The following SNAP91 variants were observed in gnomAD, a reference collection of about 807,000 sequenced individuals.
SNAP91 encodes clathrin coat assembly protein AP180.
In SNAP91, 27 loss-of-function variants were observed where a neutral mutation model predicts 100.3. The observed-to-expected ratio is 0.27, with a 90% CI of 0.20 to 0.37. The LOEUF is 0.37. SNAP91 is among the 10% of genes least tolerant of loss of function. The pLI is 1.00. For missense variants in SNAP91, 986 were observed against 1,123.7 expected (o/e 0.88, Z 1.75); for synonymous variants, 404 against 398.6 (o/e 1.01, Z -0.16).
At chr6:83,707,738 C>T in intron 2 of SNAP91, 60 bp downstream of exon 2, 3 of 1,599,354 alleles carry the variant, frequency 1.9e-6, no homozygotes, top group South Asian at 1.1e-5. Flanking sequence ...CAGGCCGCAC[C>T]ACCAGCATCC....
intron 23 of SNAP91, 131 bp downstream of exon 23, chr6:83,582,091 A>T: frequency 1.0e-6 from 1 of 952,452 alleles, no homozygotes; most frequent in Non-Finnish European, 1.5e-6. Flanking sequence ...GAGATTTATT[A>T]ACGTTTTATA....
chr6:83,608,196 TTTC>T (rs1358033674), intron 12 of SNAP91, among the ~76,000 whole-genome samples: 4 of 152,170 alleles, frequency 2.6e-5, no homozygotes, highest in African/African-American at 4.8e-5. Context: ...GTCATTATTT[TTTC>T]TTGTCATCCT....
intron 2 of SNAP91, among the ~76,000 whole-genome samples, chr6:83,695,494 T>C (rs1278631251): frequency 6.6e-6 from 1 of 152,122 alleles, no homozygotes; most frequent in Non-Finnish European, 1.5e-5. Flanking sequence ...TTTTGCATTC[T>C]CCTATATACA....
chr6:83,645,133 C>T (rs1466415592), intron 7 of SNAP91, among the ~76,000 whole-genome samples: 1 of 152,108 alleles, frequency 6.6e-6, no homozygotes, highest in Non-Finnish European at 1.5e-5. Context: ...AACAAGTTCT[C>T]CAGATATTCT....
intron 8 of SNAP91, among the ~76,000 whole-genome samples, chr6:83,637,843 TG>T (rs755643944): frequency 2.0e-5 from 3 of 152,216 alleles, no homozygotes; most frequent in Non-Finnish European, 2.9e-5. Context: ...ACGATACTCG[TG>T]GGCAGTGTGC....
At chr6:83,615,787 G>GA (rs1351008453) in intron 10 of SNAP91, among the ~76,000 whole-genome samples, 3 of 150,886 alleles carry the variant, frequency 2.0e-5, no homozygotes, top group Non-Finnish European at 3.0e-5. Context: ...GAAATAACCA[G>GA]AAAAAAAAAG....
At chr6:83,680,206 A>T (rs1398475835) in intron 2 of SNAP91, among the ~76,000 whole-genome samples, 1 of 152,032 alleles carries the variant, frequency 6.6e-6, no homozygotes, top group Non-Finnish European at 1.5e-5. Context: ...TACCTATACC[A>T]CTATTTGTAC....
intron 2 of SNAP91, among the ~76,000 whole-genome samples, chr6:83,680,181 C>A (rs977419294): frequency 7.9e-5 from 12 of 152,118 alleles, no homozygotes; most frequent in African/African-American, 2.9e-4. Flanking sequence ...TATCATATTA[C>A]TTCCCCCCCA....
chr6:83,566,913 T>C (rs771238070), intron 26 of SNAP91, among the ~76,000 whole-genome samples: 2 of 152,216 alleles, frequency 1.3e-5, no homozygotes, highest in African/African-American at 4.8e-5. Context: ...CACACTGCTG[T>C]GCTGGAGCTC....
chr6:83,608,980 A>T (rs930283986), intron 12 of SNAP91, among the ~76,000 whole-genome samples: 4 of 152,230 alleles, frequency 2.6e-5, no homozygotes, highest in Admixed American at 2.6e-4. Context: ...ATTGTATGTC[A>T]TCCATTGGGA....
chr6:83,630,129 T>A (rs2097147128), intron 8 of SNAP91, among the ~76,000 whole-genome samples: 1 of 152,160 alleles, frequency 6.6e-6, no homozygotes, highest in African/African-American at 2.4e-5. Flanking sequence ...TTATTTTTAA[T>A]TCTGATTATG....
chr6:83,591,237 G>A lies in SNAP91; in HGVS notation c.1988C>T (p.Ser663Leu), dbSNP rs2093701091. ...AGCTAGTAGGTCTGCCGATGCTGAT[G>A]AACTAGAAGCAGCCTGAGATGCAGG... Reference protein sequence around the residue: ...PQPASQAASSSSASADLLAGF... With the variant: ...PQPASQAASSLSASADLLAGF... Residue 663 changes from serine to leucine, a missense_variant, in exon 22 of 30, where the codon TCA becomes TTA. Transcript: ENST00000369694. The A allele has an allele frequency of 8.7e-6, 14 of 1,611,922 alleles. No individual in the cohort carries two copies. Among genetic ancestry groups the A allele is most frequent in the Non-Finnish European group, 1.2e-5 (14 of 1,178,294 alleles).
intron 2 of SNAP91, among the ~76,000 whole-genome samples, chr6:83,683,212 T>C (rs1481400993): frequency 6.6e-6 from 1 of 152,138 alleles, no homozygotes; most frequent in Admixed American, 6.6e-5. Flanking sequence ...CCCCAATCTC[T>C]TAAATAATGG....
chr6:83,560,338 G>C (rs1785149906), intron 27 of SNAP91, 130 bp from the exon 28 acceptor site: 5 of 677,160 alleles, frequency 7.4e-6, no homozygotes, highest in Non-Finnish European at 1.3e-5. Flanking sequence ...AGCATAATTT[G>C]TAATTTTAAT....
chr6:83,686,505 T>C (rs577873889), intron 2 of SNAP91, among the ~76,000 whole-genome samples: 6 of 152,330 alleles, frequency 3.9e-5, no homozygotes, highest in Admixed American at 3.3e-4. Context: ...CTGTGGCTAG[T>C]AGGTCTTTGG....
At chr6:83,662,273 A>G in intron 4 of SNAP91, 74 bp downstream of exon 4, 1 of 513,406 alleles carries the variant, frequency 1.9e-6, no homozygotes, top group Non-Finnish European at 3.4e-6. Context: ...ATCAGTTGCA[A>G]TGATTTTGGA....
At chr6:83,614,386 T>C (rs929137408) in intron 11 of SNAP91, among the ~76,000 whole-genome samples, 5 of 152,174 alleles carry the variant, frequency 3.3e-5, no homozygotes, top group African/African-American at 1.2e-4. Context: ...AGGGCATACA[T>C]ATTCTTCATA....
chr6:83,703,997 T>G (rs1296557534), intron 2 of SNAP91, among the ~76,000 whole-genome samples: 4 of 152,240 alleles, frequency 2.6e-5, no homozygotes, highest in Non-Finnish European at 5.9e-5. Context: ...AGATGTTACT[T>G]TGGACCAACT....
intron 8 of SNAP91, among the ~76,000 whole-genome samples, chr6:83,640,650 C>T (rs2097658747): frequency 6.6e-6 from 1 of 152,062 alleles, no homozygotes; most frequent in African/African-American, 2.4e-5. Flanking sequence ...TCTTATTTTT[C>T]ATTGTGTATA....
Sources: gnomAD v4.1 joint callset for allele counts (sites outside exome capture counted in the v4.1 genomes callset) on GRCh38, gnomAD v4.1.1 for gene constraint, MANE v1.5 for transcripts, NCBI Gene and HGNC (gene_info 2026-07-23, HGNC 2026-07-21) for gene names.